PUF60: variants seen among roughly 807,000 people sequenced by gnomAD.
PUF60 encodes poly(U) binding splicing factor 60.
PUF60 carries 10 observed loss-of-function variants against 61.8 expected under a neutral mutation model. That is an observed-to-expected ratio of 0.16 (90% CI 0.10 to 0.27). The LOEUF is 0.27. PUF60 is among the 10% of genes least tolerant of loss of function. The pLI, the probability that PUF60 is intolerant of heterozygous loss-of-function variation, is 1.00. For synonymous variants in PUF60, 353 were observed against 300.9 expected (o/e 1.17, Z -1.79); for missense variants, 371 against 754.0 (o/e 0.49, Z 5.95).
chr8:143,821,726 C>T (rs917448069), intron 3 of PUF60, 40 bp from the exon 4 acceptor site: 20 of 1,546,146 alleles, frequency 1.3e-5, no homozygotes, highest in Non-Finnish European at 1.7e-5. Context: ...GGGCCCAGCC[C>T]ATGGGAGACA....
rs1563839312 is a variant in PUF60 at position 143,824,372 on chromosome 8, A to AC, written c.51dup (p.Ser18ValfsTer122). 1 of 1,611,614 alleles carries AC rather than the reference A, an allele frequency of 6.2e-7. No individual in the cohort carries two copies. Among genetic ancestry groups the AC allele is most frequent in the Non-Finnish European group, 8.5e-7 (1 of 1,179,630 alleles). ...ACTGCCGCCGCCGCCGCCGGCTCGG[A>AC]CCCCCCTCCTTGCTGGCCATTGACC... On this transcript the variant is annotated frameshift_variant, in exon 2 of 12. Coordinates refer to ENST00000526683, the MANE Select transcript of PUF60 (RefSeq NM_078480.3). LOFTEE classifies it high-confidence loss of function.
chr8:143,823,461 C>T (rs924724382), intron 2 of PUF60, among the ~76,000 whole-genome samples: 3 of 152,264 alleles, frequency 2.0e-5, no homozygotes, highest in Admixed American at 6.5e-5. Context: ...TTTTCAATCT[C>T]CTCTTTGTCT....
chr8:143,819,552 A>G (rs2130284468), intron 5 of PUF60, among the ~76,000 whole-genome samples: 2 of 152,152 alleles, frequency 1.3e-5, no homozygotes, highest in South Asian at 4.2e-4. Flanking sequence ...TGCAGGCCGA[A>G]CCTCCCCATC....
Position 143,818,097 on chromosome 8 carries a change from G to A in PUF60, c.604-22C>T, listed in dbSNP as rs1816573046. The A allele has an allele frequency of 1.2e-6, 2 of 1,608,574 alleles. No individual in the cohort carries two copies. The highest frequency in any genetic ancestry group is 1.7e-6 in the Non-Finnish European group (2 of 1,177,642). On this transcript the variant is annotated intron_variant, in intron 7 of 11. Coordinates refer to ENST00000526683, the MANE Select transcript of PUF60 (RefSeq NM_078480.3). This position sits in a 1 kb window ranked among gnomAD's most constrained non-coding sequence, Gnocchi z 7.9. The stretch of plus-strand genomic sequence containing the variant: ...CCACCTGGGGAAGAGGCGGTGAGAT[G>A]GAAAGACCGGTCAACCCAGGCCCGG...
intron 2 of PUF60, 60 bp from the exon 3 acceptor site, chr8:143,821,973 C>CCTGGGGCCACGTGA: frequency 7.7e-7 from 1 of 1,306,960 alleles, no homozygotes; most frequent in Non-Finnish European, 1.0e-6. Context: ...CACGTGGCCC[C>CCTGGGGCCACGTGA]AGGAGGGCCA....
chr8:143,821,724 C>T (rs1411589769), intron 3 of PUF60, 38 bp from the exon 4 acceptor site: 2 of 1,545,876 alleles, frequency 1.3e-6, no homozygotes, highest in Non-Finnish European at 1.7e-6. Context: ...GGGGGCCCAG[C>T]CCATGGGAGA....
At chr8:143,822,786 C>A in intron 2 of PUF60, 1 of 345,618 alleles carries the variant, frequency 2.9e-6, no homozygotes, top group Non-Finnish European at 5.8e-6. Flanking sequence ...GCTAGCAGGC[C>A]CATCAGAGTG....
chr8:143,818,822 T>G lies in PUF60; in HGVS notation c.349-288A>C. The stretch of plus-strand genomic sequence containing the variant: ...GACAGATGGTCAGGAGGCAGGGCTG[T>G]GCGCCCTCCCACCCAGACCACCCCT... On this transcript the variant is annotated intron_variant, in intron 5 of 11. Coordinates refer to ENST00000526683, the MANE Select transcript of PUF60 (RefSeq NM_078480.3). This position sits in a 1 kb window ranked among gnomAD's most constrained non-coding sequence, Gnocchi z 7.9. The G allele has an allele frequency of 2.1e-6, 1 of 468,966 alleles. No individual in the cohort carries two copies. Among genetic ancestry groups the G allele is most frequent in the Non-Finnish European group, 3.8e-6 (1 of 263,332 alleles). The allele number at this position is 468,966 out of a possible 1,614,324, so 29.1% of individuals were successfully genotyped here.
Position 143,817,574 on chromosome 8 carries a change from A to G in PUF60, c.1008+18T>C. ...CCAGCCCGCCCACCCTCAAGCCGAC[A>G]GCTGTGTGGGCCCTCACCTGAGCTG... is the stretch of plus-strand genomic sequence containing the variant. On this transcript the variant is annotated intron_variant, in intron 9 of 11. Coordinates refer to ENST00000526683, the MANE Select transcript of PUF60 (RefSeq NM_078480.3). The surrounding 1 kb of genome is among the most constrained non-coding windows in gnomAD (Gnocchi z 7.4). The G allele has an allele frequency of 6.2e-7, 1 of 1,610,468 alleles. No homozygotes were observed. Among genetic ancestry groups the G allele is most frequent in the Non-Finnish European group, 8.5e-7 (1 of 1,179,186 alleles).
Position 143,817,574 on chromosome 8 carries a change from AGCTGTGTG to A in PUF60, c.1008+10_1008+17del. 1.9e-6 allele frequency: 3 copies of A among 1,610,468 alleles called. No individual in the cohort carries two copies. The highest frequency in any genetic ancestry group is 2.5e-6 in the Non-Finnish European group (3 of 1,179,186). ...CCAGCCCGCCCACCCTCAAGCCGAC[AGCTGTGTG>A]GGCCCTCACCTGAGCTGTGATCTTG... On this transcript the variant is annotated intron_variant, in intron 9 of 11. Transcript: ENST00000526683. This position sits in a 1 kb window ranked among gnomAD's most constrained non-coding sequence, Gnocchi z 7.4.
intron 1 of PUF60, among the ~76,000 whole-genome samples, chr8:143,826,624 A>G (rs1342868603): frequency 6.6e-6 from 1 of 152,182 alleles, no homozygotes; most frequent in Non-Finnish European, 1.5e-5. Flanking sequence ...CTGAGGTGCT[A>G]CCATGAATTG....
intron 2 of PUF60, chr8:143,822,787 C>T (rs1817170393): frequency 2.9e-6 from 1 of 345,990 alleles, no homozygotes. Context: ...CTAGCAGGCC[C>T]ATCAGAGTGT....
At position 143,817,191 on chromosome 8, in the gene PUF60, C is replaced by G. The variant is rs200977068; in HGVS notation, c.1145-46G>C. ...TCCATCAGTCACTCCCTACCACCCC[C>G]CTTCCCAGAAAGGCACAGAGCTGGC... is the stretch of plus-strand genomic sequence containing the variant. On this transcript the variant is annotated intron_variant, in intron 10 of 11. Coordinates refer to ENST00000526683, the MANE Select transcript of PUF60 (RefSeq NM_078480.3). The surrounding 1 kb of genome is among the most constrained non-coding windows in gnomAD (Gnocchi z 7.4). The G allele has an allele frequency of 7.6e-4, 1,169 of 1,534,990 alleles. 6 individuals are homozygous for G. The African/African-American group carries it at 0.013, about 17-fold the overall frequency.
intron 1 of PUF60, among the ~76,000 whole-genome samples, chr8:143,825,385 G>A (rs1473158177): frequency 1.3e-5 from 2 of 152,220 alleles, no homozygotes; most frequent in African/African-American, 4.8e-5. Context: ...GCCCGTGCCT[G>A]GAGCTGCTCC....
chr8:143,820,865 T>G (rs1816928199), intron 4 of PUF60, 149 bp from the exon 5 acceptor site: 4 of 754,394 alleles, frequency 5.3e-6, no homozygotes, highest in East Asian at 2.6e-5. Flanking sequence ...CGCCAGCACC[T>G]GCCCAGGGGG....
In PUF60 at chr8:143,818,179, G is replaced by A. The variant is rs776866097; in HGVS notation, c.603+14C>T. ...GCACGCCTGCGGGATCGAGGCCTTG[G>A]CTCCCTGCCTCACCTTGATGTTCCT... On this transcript the variant is annotated intron_variant, in intron 7 of 11. Transcript: ENST00000526683. The surrounding 1 kb of genome is among the most constrained non-coding windows in gnomAD (Gnocchi z 7.9). The A allele has an allele frequency of 1.9e-6, 3 of 1,607,412 alleles. No individual in the cohort carries two copies. In the South Asian group the frequency reaches 3.3e-5, roughly 18 times the overall value.
chr8:143,818,880 T>A lies in PUF60; in HGVS notation c.349-346A>T. On this transcript the variant is annotated intron_variant, in intron 5 of 11. Transcript: ENST00000526683. The surrounding 1 kb of genome is among the most constrained non-coding windows in gnomAD (Gnocchi z 7.9). ...GGGGGCTGGGTATCCCAGGCTGGGC[T>A]GGGAGATCCTCCCACTGTCCCAGCC... is the stretch of plus-strand genomic sequence containing the variant. The A allele has an allele frequency of 3.0e-6, 1 of 333,720 alleles. No individual in the cohort carries two copies. Among genetic ancestry groups the A allele is most frequent in the Non-Finnish European group, 5.5e-6 (1 of 181,014 alleles). 20.7% of individuals were successfully genotyped at this position (333,720 alleles called of 1,614,324 possible).
chr8:143,828,900 T>TCACCCC, intron 1 of PUF60: 2 of 984,048 alleles, frequency 2.0e-6, no homozygotes, highest in Non-Finnish European at 2.4e-6. Flanking sequence ...GGCCCACGCG[T>TCACCCC]CACCCCCAGA....
Position 143,817,103 on chromosome 8 carries a change from G to A in PUF60, c.1187C>T (p.Ser396Leu), listed in dbSNP as rs1816412380. 2 of 1,610,718 alleles carry A rather than the reference G, an allele frequency of 1.2e-6. No homozygotes were observed. The highest frequency in any genetic ancestry group is 1.7e-6 in the Non-Finnish European group (2 of 1,178,902). Residue 396 changes from serine to leucine, a missense_variant, in exon 11 of 12, where the codon TCG becomes TTG. Coordinates refer to ENST00000526683, the MANE Select transcript of PUF60 (RefSeq NM_078480.3). The surrounding 1 kb of genome is among the most constrained non-coding windows in gnomAD (Gnocchi z 7.4). ...ARPPIPVTIP[S>L]VGVVNPILAS... is the part of the protein sequence containing the mutation. ...CAGGATGGGGTTCACCACTCCCACC[G>A]AGGGGATGGTGACCGGGATAGGAGG...
Sources: allele counts gnomAD v4.1 joint callset (sites outside exome capture counted in the v4.1 genomes callset), GRCh38; gene constraint gnomAD v4.1.1; non-coding constraint Gnocchi (gnomAD v3.1); transcripts MANE v1.5; gene names NCBI Gene and HGNC (gene_info 2026-07-23, HGNC 2026-07-21).